Variants in POLD1 observed in about 807,000 individuals in gnomAD.
POLD1 encodes the protein DNA polymerase delta 1, catalytic subunit.
A neutral mutation model predicts 129.7 loss-of-function variants in POLD1; 79 were observed. The observed-to-expected ratio is 0.61, with a 90% CI of 0.51 to 0.73. The LOEUF is 0.73. Ranked by LOEUF, POLD1 falls within the 30% of genes least tolerant of loss-of-function variation. The probability of loss-of-function intolerance (pLI) is 0.00; values close to 1 mark genes in which losing one functional copy is unlikely to be tolerated. For synonymous variants in POLD1, 714 were observed against 683.3 expected, an observed-to-expected ratio of 1.04 and a Z score of -0.70; for missense variants, 1,338 against 1,595.8, an observed-to-expected ratio of 0.84 and a Z score of 2.75.
In POLD1 at chr19:50,399,064, G is replaced by A. The variant is rs766194313; in HGVS notation, c.202+11G>A. 6.4e-6 allele frequency: 10 copies of A among 1,551,050 alleles called. No homozygotes were observed. Among genetic ancestry groups the A allele is most frequent in the Non-Finnish European group, 7.8e-6 (9 of 1,147,312 alleles). ...AGGGGGTTGCAGACGGTAAGGCTTG[G>A]AGTTGGAGGTTCCTGCTGCCCAACC... On this transcript the variant is annotated intron_variant, in intron 2 of 26. Coordinates refer to ENST00000440232, the MANE Select transcript of POLD1 (RefSeq NM_002691.4).
At chr19:50,394,576 A>G (rs1441654721) in intron 1 of POLD1, among the ~76,000 whole-genome samples, 2 of 152,122 alleles carry the variant, frequency 1.3e-5, no homozygotes. Context: ...AATCGCTTGA[A>G]GCCAGGAGGC....
intron 1 of POLD1, among the ~76,000 whole-genome samples, chr19:50,390,363 A>G (rs919132883): frequency 2.6e-5 from 4 of 151,724 alleles, no homozygotes; most frequent in Non-Finnish European, 2.9e-5. Flanking sequence ...GGGAGGATGG[A>G]GTCTCATTTG....
At chr19:50,394,707 C>A (rs192361315) in intron 1 of POLD1, among the ~76,000 whole-genome samples, 1 of 152,088 alleles carries the variant, frequency 6.6e-6, no homozygotes, top group East Asian at 1.9e-4. Context: ...ATGGGGCAAC[C>A]GTTATGAGAT....
chr19:50,385,053 G>A (rs2037923835), intron 1 of POLD1, among the ~76,000 whole-genome samples: 2 of 152,150 alleles, frequency 1.3e-5, no homozygotes, highest in South Asian at 4.1e-4. Flanking sequence ...ATAGGGCCTT[G>A]TAAAACTTGG....
At chr19:50,401,671 G>T (rs1484086025) in intron 3 of POLD1, 107 bp from the exon 4 acceptor site, 2 of 1,233,506 alleles carry the variant, frequency 1.6e-6, no homozygotes, top group Non-Finnish European at 2.3e-6. Flanking sequence ...ACGGTACAGG[G>T]GCAGGAGTGC....
chr19:50,415,048 C>T, intron 20 of POLD1, 58 bp downstream of exon 20: 6 of 1,411,896 alleles, frequency 4.2e-6, no homozygotes, highest in Non-Finnish European at 5.6e-6. Context: ...CCTCCTCCCT[C>T]AGACCCAGGA....
chr19:50,405,841 C>T lies in POLD1; in HGVS notation c.1243-341C>T, dbSNP rs2038856000. 2.6e-5 allele frequency among the ~76,000 whole-genome samples: 4 copies of T among 152,202 alleles called. 1 individual carries two copies. In the South Asian group the frequency reaches 8.3e-4, roughly 31 times the overall value. On this transcript the variant is annotated intron_variant, in intron 10 of 26. Transcript: ENST00000440232. The stretch of plus-strand genomic sequence containing the variant: ...AGCCCAGCTCCACGCCGCCTCCTGC[C>T]TCTGCCCCCACCTGGCCGCCTGCTC...
intron 21 of POLD1, 57 bp from the exon 22 acceptor site, chr19:50,415,667 G>A: frequency 4.1e-6 from 6 of 1,462,196 alleles, no homozygotes; most frequent in Non-Finnish European, 4.6e-6. Flanking sequence ...CTACACCCTC[G>A]CCCCCACCCC....
chr19:50,416,957 T>A, intron 24 of POLD1, 88 bp from the exon 25 acceptor site: 1 of 1,385,776 alleles, frequency 7.2e-7, no homozygotes, highest in Non-Finnish European at 9.7e-7. Context: ...CTGGGGACTT[T>A]CAGAAGCTGG....
intron 1 of POLD1, among the ~76,000 whole-genome samples, chr19:50,389,434 C>G (rs1223994269): frequency 6.6e-6 from 1 of 151,978 alleles, no homozygotes; most frequent in Non-Finnish European, 1.5e-5. Flanking sequence ...CAGCAGTCAG[C>G]TCTTAAGAAC....
Position 50,409,674 on chromosome 19 carries a change from C to T in POLD1, c.2154+8C>T, listed in dbSNP as rs754971307. ...TGCCTGGAGATCTCACAGGTGGGCACTCGGGCCCCTGGAAGGCAACTGGGG... is the reference window on the plus strand; with the variant it reads ...TGCCTGGAGATCTCACAGGTGGGCATTCGGGCCCCTGGAAGGCAACTGGGG... On this transcript the variant is annotated splice_region_variant and intron_variant, in intron 17 of 26. Transcript: ENST00000440232. The surrounding 1 kb of genome is among the most constrained non-coding windows in gnomAD (Gnocchi z 5.8). 1 of 1,591,508 alleles carries T rather than the reference C, an allele frequency of 6.3e-7. No homozygotes were observed. The highest frequency in any genetic ancestry group is 8.6e-7 in the Non-Finnish European group (1 of 1,166,074).
rs878854553 is a variant in POLD1 at position 50,401,795 on chromosome 19, C to T, written c.334C>T (p.Pro112Ser). Residue 112 changes from proline (P) to serine (S), a missense_variant, in exon 4 of 27, where the codon CCT (proline) becomes TCT (serine). By Grantham distance (74) the Pro-to-Ser change is moderately conservative. Around this residue, in one of 3 missense-constraint regions of POLD1, gnomAD observed 332 missense variants for 315.7 expected, o/e 1.05. Coordinates refer to ENST00000440232, the MANE Select transcript of POLD1 (RefSeq NM_002691.4). The stretch of plus-strand genomic sequence containing the variant: ...CCCCACAGGCCCAGCGCAGCCTGTG[C>T]CTGGGGGGCCCCCACCATCCCGCGG... The part of the protein sequence containing the change: ...DHYVGPAQPV[P>S]GGPPPSRGSV... The T allele has an allele frequency of 1.9e-6, 3 of 1,612,846 alleles. No individual in the cohort carries two copies. Among genetic ancestry groups the T allele is most frequent in the Non-Finnish European group, 2.5e-6 (3 of 1,179,844 alleles).
intron 1 of POLD1, among the ~76,000 whole-genome samples, chr19:50,389,075 C>T (rs1313228607): frequency 1.3e-5 from 2 of 151,514 alleles, no homozygotes; most frequent in African/African-American, 2.4e-5. Flanking sequence ...TTATGATCTA[C>T]GTGCCTCTGC....
At chr19:50,384,704 G>A (rs2037910180) in intron 1 of POLD1, among the ~76,000 whole-genome samples, 1 of 152,210 alleles carries the variant, frequency 6.6e-6, no homozygotes, top group African/African-American at 2.4e-5. Context: ...GATTCGCTGG[G>A]TGTTTGAGTA....
At chr19:50,389,483 C>T (rs924251410) in intron 1 of POLD1, among the ~76,000 whole-genome samples, 7 of 152,116 alleles carry the variant, frequency 4.6e-5, no homozygotes, top group Admixed American at 3.3e-4. Context: ...TCATTGTCAT[C>T]ATCATGCAGT....
chr19:50,399,388 G>C lies in POLD1; in HGVS notation c.220G>C (p.Ala74Pro), dbSNP rs2122201835. ...GVADGQVPPS[A>P]IDPRWLRPTP... ...CCCACCAGGGCAGGTCCCACCATCAGCCATAGATCCTCGCTGGCTTCGGCC... is the reference window on the plus strand; with the variant it reads ...CCCACCAGGGCAGGTCCCACCATCACCCATAGATCCTCGCTGGCTTCGGCC... The change falls in exon 3 of 27, where the codon GCC (alanine) becomes CCC (proline). Residue 74 changes from alanine to proline, a missense_variant. By Grantham distance (27) the Ala-to-Pro change is conservative. Transcript: ENST00000440232. 6.2e-7 allele frequency: 1 copy of C among 1,613,968 alleles called. No homozygotes were observed. Among genetic ancestry groups the C allele is most frequent in the Non-Finnish European group, 8.5e-7 (1 of 1,179,796 alleles).
chr19:50,402,105 G>A lies in POLD1; in HGVS notation c.570G>A (p.Val190=). 1 of 1,613,320 alleles carries A rather than the reference G, an allele frequency of 6.2e-7. No homozygotes were observed. Among genetic ancestry groups the A allele is most frequent in the Non-Finnish European group, 8.5e-7 (1 of 1,179,584 alleles). ...TGACTGGGCCGGCCGTGCTGGCTGT[G>A]GAACTGTGCTCCCGAGAGAGTGAGT... ...RELTGPAVLA[V]ELCSRESMFG... The change falls in exon 5 of 27, where the codon GTG becomes GTA. Residue 190 remains valine, a synonymous_variant. Transcript: ENST00000440232.
At chr19:50,401,303 A>G (rs1291534143) in intron 3 of POLD1, among the ~76,000 whole-genome samples, 2 of 143,156 alleles carry the variant, frequency 1.4e-5, no homozygotes, top group African/African-American at 5.1e-5. Context: ...ATATATTAAT[A>G]TATTTTGTAG....
At chr19:50,395,670 G>C (rs1411376278) in intron 1 of POLD1, among the ~76,000 whole-genome samples, 1 of 151,440 alleles carries the variant, frequency 6.6e-6, no homozygotes, top group Non-Finnish European at 1.5e-5. Flanking sequence ...TTTATGATTT[G>C]CATGGATGTT....
Sources: gnomAD v4.1 joint callset for allele counts (sites outside exome capture counted in the v4.1 genomes callset) on GRCh38, gnomAD v4.1.1 for gene constraint, gnomAD v4.1.1 regional missense constraint, Gnocchi (gnomAD v3.1) non-coding constraint, MANE v1.5 for transcripts, NCBI Gene and HGNC (gene_info 2026-07-23, HGNC 2026-07-21) for gene names.